PUDP: variants seen among roughly 807,000 people sequenced by gnomAD.
The protein encoded by PUDP is pseudouridine 5'-phosphatase.
Under a neutral mutation model 9.4 loss-of-function variants are expected in PUDP, and 8 were observed. That is an observed-to-expected ratio of 0.85 (90% CI 0.50 to 1.53). The LOEUF (loss-of-function observed/expected upper bound fraction) is 1.53. PUDP is among the 40% of genes most tolerant of loss of function. The pLI is 0.00. For missense variants in PUDP, 188 were observed against 189.7 expected (o/e 0.99, Z 0.05); for synonymous variants, 99 against 80.7 (o/e 1.23, Z -1.22).
intron 3 of PUDP, among the ~76,000 whole-genome samples, chrX:6,974,804 G>A (rs1928929101): frequency 9.0e-6 from 1 of 111,445 alleles, no homozygotes; most frequent in African/African-American, 3.3e-5. Context: ...CTTGAAGAGT[G>A]TTTTCCAACT....
intron 3 of PUDP, among the ~76,000 whole-genome samples, chrX:7,058,584 A>AT (rs1305264652): frequency 8.9e-6 from 1 of 112,220 alleles, no homozygotes; most frequent in Non-Finnish European, 1.9e-5. Context: ...GGCAGTGCTC[A>AT]TATCTAAGGT....
intron 3 of PUDP, among the ~76,000 whole-genome samples, chrX:7,069,943 C>T (rs1930677918): frequency 8.9e-6 from 1 of 112,459 alleles, no homozygotes; most frequent in Admixed American, 9.4e-5. Flanking sequence ...GCCTCTCTCC[C>T]ATCCATGTTA....
At position 6,977,184 on chromosome X, in the gene PUDP, T is replaced by A. The variant is rs779718852; in HGVS notation, c.*196A>T. Among the ~76,000 whole-genome samples, 6 of 111,727 alleles carry A rather than the reference T, an allele frequency of 5.4e-5. No homozygotes were observed. The South Asian group carries it at 2.3e-3, about 42-fold the overall frequency. On this transcript the variant is annotated 3_prime_UTR_variant and NMD_transcript_variant, in exon 3 of 4. Transcript: ENST00000655425. ...ATCCATGCTCTTTTCTCCATGCCAC[T>A]CCAGGAACAGGCAGGAAGAACCCAA...
chrX:7,065,274 A>G (rs1930518441), intron 3 of PUDP, among the ~76,000 whole-genome samples: 1 of 112,513 alleles, frequency 8.9e-6, no homozygotes, highest in Non-Finnish European at 1.9e-5. Flanking sequence ...CTGCTGGGTA[A>G]TCAGATCCCT....
chrX:7,118,122 G>T (rs1932246463), intron 1 of PUDP, among the ~76,000 whole-genome samples: 1 of 112,846 alleles, frequency 8.9e-6, no homozygotes, highest in Non-Finnish European at 1.9e-5. Flanking sequence ...ACACTTATGT[G>T]GGCTTGGATG....
chrX:6,980,073 TTTCTCTTCTC>T (rs1328402070), intron 1 of PUDP, among the ~76,000 whole-genome samples: 1 of 108,909 alleles, frequency 9.2e-6, no homozygotes, highest in African/African-American at 3.3e-5. Context: ...TCTTTTCTCA[TTTCTCTTCTC>T]TTCTCTTCTT....
At chrX:6,801,039 C>T (rs1489840553) in intron 3 of PUDP, among the ~76,000 whole-genome samples, 1 of 111,786 alleles carries the variant, frequency 8.9e-6, no homozygotes, top group Non-Finnish European at 1.9e-5. Flanking sequence ...ACAGAGCCCG[C>T]GAAGACTTGC....
In PUDP at chrX:6,987,383, A is replaced by C. The variant is rs1482518564; in HGVS notation, c.205-9040T>G. Among the ~76,000 whole-genome samples, 3 of 112,151 alleles carry C rather than the reference A, an allele frequency of 2.7e-5. No homozygotes were observed. In the South Asian group the frequency reaches 1.1e-3, roughly 43 times the overall value. ...TAAGGAAACCAGCTTAAGCTCAAGG[A>C]AATTAGAGACTCGGGGGTTCATTTT... On this transcript the variant is annotated intron_variant and NMD_transcript_variant, in intron 1 of 3. Coordinates refer to the PUDP transcript ENST00000655425.
intron 1 of PUDP, among the ~76,000 whole-genome samples, chrX:6,988,535 A>G (rs1380212471): frequency 1.8e-5 from 2 of 112,253 alleles, no homozygotes; most frequent in African/African-American, 6.5e-5. Context: ...TAAAGCTTTA[A>G]GTGATTAACT....
chrX:6,795,320 T>C (rs1455632077), intron 3 of PUDP, among the ~76,000 whole-genome samples: 1 of 112,082 alleles, frequency 8.9e-6, no homozygotes, highest in African/African-American at 3.2e-5. Context: ...GCTAACAAGT[T>C]AGCCTGCTAG....
intron 3 of PUDP, among the ~76,000 whole-genome samples, chrX:6,857,802 C>T (rs892144356): frequency 1.5e-4 from 17 of 111,662 alleles, no homozygotes; most frequent in African/African-American, 4.9e-4. Context: ...CCTACAGAAC[C>T]TTGGCTGCCA....
chrX:6,864,087 C>T (rs1927043794), intron 3 of PUDP, among the ~76,000 whole-genome samples: 1 of 111,230 alleles, frequency 9.0e-6, no homozygotes, highest in Non-Finnish European at 1.9e-5. Flanking sequence ...TCAAGACCAG[C>T]TTATCTTGTG....
chrX:6,750,332 C>G (rs1434658662), intron 3 of PUDP, among the ~76,000 whole-genome samples: 1 of 111,860 alleles, frequency 8.9e-6, no homozygotes, highest in African/African-American at 3.2e-5. Context: ...TTTGTTCTTA[C>G]TACATTGATT....
chrX:6,785,543 C>A (rs1925632223), intron 3 of PUDP, among the ~76,000 whole-genome samples: 1 of 110,876 alleles, frequency 9.0e-6, no homozygotes, highest in African/African-American at 3.3e-5. Flanking sequence ...CAATCTTACA[C>A]ATACTTTGCG....
intron 2 of PUDP, among the ~76,000 whole-genome samples, chrX:7,093,876 C>A (rs1407054460): frequency 1.8e-5 from 2 of 111,600 alleles, no homozygotes; most frequent in South Asian, 7.7e-4. Context: ...GAGGCTGAGG[C>A]AGGAGGATCA....
chrX:6,885,948 A>G (rs757973096), intron 3 of PUDP, among the ~76,000 whole-genome samples: 2 of 112,391 alleles, frequency 1.8e-5, no homozygotes, highest in South Asian at 7.3e-4. Context: ...TTTATAATGT[A>G]TAATTGATCA....
chrX:6,881,977 C>CTT (rs34092299), intron 3 of PUDP, among the ~76,000 whole-genome samples: 27 of 94,954 alleles, frequency 2.8e-4, no homozygotes, highest in East Asian at 2.8e-3. Context: ...TTTTTTTTTA[C>CTT]TTTTTTTTTT....
chrX:7,102,399 A>G (rs1158989321), intron 2 of PUDP, among the ~76,000 whole-genome samples: 1 of 110,209 alleles, frequency 9.1e-6, no homozygotes, highest in Non-Finnish European at 1.9e-5. Flanking sequence ...TTCACGATTA[A>G]AAACAGTCAA....
At chrX:6,934,063 G>T (rs6638639) in intron 3 of PUDP, among the ~76,000 whole-genome samples, 1 of 95,072 alleles carries the variant, frequency 1.1e-5, no homozygotes, top group Admixed American at 1.2e-4. Context: ...ACTCTGCAGG[G>T]TATTATCCAG....
Sources: gnomAD v4.1 joint callset for allele counts (sites outside exome capture counted in the v4.1 genomes callset) on GRCh38, gnomAD v4.1.1 for gene constraint, MANE v1.5 for transcripts, NCBI Gene and HGNC (gene_info 2026-07-23, HGNC 2026-07-21) for gene names.